FBLN5: variants seen among roughly 807,000 people sequenced by gnomAD.
FBLN5 encodes fibulin 5.
In FBLN5, 24 loss-of-function variants were observed where a neutral mutation model predicts 61.6. The observed-to-expected ratio is 0.39, with a 90% CI of 0.28 to 0.55. FBLN5 has a LOEUF of 0.55. FBLN5 is among the 20% of genes least tolerant of loss of function. The pLI, the probability that FBLN5 is intolerant of heterozygous loss-of-function variation, is 0.65. For synonymous variants in FBLN5, 213 were observed against 219.8 expected, an observed-to-expected ratio of 0.97 and a Z score of 0.27; for missense variants, 470 against 594.1, an observed-to-expected ratio of 0.79 and a Z score of 2.17.
chr14:91,898,211 CG>C (rs140311948), intron 4 of FBLN5, among the ~76,000 whole-genome samples: 35 of 150,372 alleles, frequency 2.3e-4, no homozygotes, highest in Non-Finnish European at 2.4e-4. Flanking sequence ...TTTTTTTTGG[CG>C]GGGGGGGCGG....
At chr14:91,881,570 C>A in intron 8 of FBLN5, 152 bp from the exon 9 acceptor site, 1 of 829,684 alleles carries the variant, frequency 1.2e-6, no homozygotes, top group Non-Finnish European at 2.0e-6. Context: ...TGGAATGTGG[C>A]TGATCCAAAT....
chr14:91,916,052 A>G (rs1443395339), intron 4 of FBLN5, among the ~76,000 whole-genome samples: 1 of 152,254 alleles, frequency 6.6e-6, no homozygotes, highest in Non-Finnish European at 1.5e-5. Context: ...ATACTATAAC[A>G]TGACCAAAGA....
chr14:91,938,792 C>T lies in FBLN5; in HGVS notation c.125-1591G>A, dbSNP rs141529346. 2.6e-5 allele frequency among the ~76,000 whole-genome samples: 4 copies of T among 152,312 alleles called. No individual in the cohort carries two copies. In the East Asian group the frequency reaches 7.7e-4, roughly 29 times the overall value. On this transcript the variant is annotated intron_variant, in intron 3 of 10. Transcript: ENST00000342058. ...CCACATGCCTGCACCCGACAACTCA[C>T]CCCCAGCATCTCATCTGAGAAACTC... is the stretch of plus-strand genomic sequence containing the variant.
At chr14:91,940,019 G>T (rs555305203) in intron 3 of FBLN5, 2 of 450,500 alleles carry the variant, frequency 4.4e-6, no homozygotes, top group Non-Finnish European at 4.4e-6. Context: ...TGAGGATGGA[G>T]GGAGGAGCCA....
chr14:91,888,627 C>CAT (rs987651934), intron 6 of FBLN5, among the ~76,000 whole-genome samples: 3,564 of 144,306 alleles, frequency 0.025, 53 homozygotes, highest in African/African-American at 0.035. Flanking sequence ...AAAAAAAATA[C>CAT]ATATATATAT....
intron 4 of FBLN5, among the ~76,000 whole-genome samples, chr14:91,898,796 CTTTTTTTTTTT>C (rs35840279): frequency 1.2e-5 from 1 of 84,242 alleles, no homozygotes; most frequent in Admixed American, 1.5e-4. Context: ...TTCATTCATT[CTTTTTTTTTTT>C]TTTTTTTTTT....
intron 4 of FBLN5, among the ~76,000 whole-genome samples, chr14:91,922,612 C>A (rs1016739146): frequency 6.6e-6 from 1 of 152,148 alleles, no homozygotes; most frequent in Non-Finnish European, 1.5e-5. Context: ...GAGATTGAGA[C>A]AATCCTGGAA....
intron 4 of FBLN5, among the ~76,000 whole-genome samples, chr14:91,928,937 A>T (rs1348209410): frequency 6.6e-6 from 1 of 152,018 alleles, no homozygotes. Flanking sequence ...AGGCGCCTGT[A>T]GTCCCAGCTA....
chr14:91,910,278 A>G (rs757564312), intron 4 of FBLN5, among the ~76,000 whole-genome samples: 1 of 152,242 alleles, frequency 6.6e-6, no homozygotes, highest in Non-Finnish European at 1.5e-5. Context: ...ACTCACAAAA[A>G]GACAAATACT....
At chr14:91,916,667 T>C (rs1891208735) in intron 4 of FBLN5, among the ~76,000 whole-genome samples, 1 of 152,166 alleles carries the variant, frequency 6.6e-6, no homozygotes, top group Non-Finnish European at 1.5e-5. Context: ...CCCAATGTCA[T>C]GGAAGGGTGT....
At chr14:91,887,127 C>T (rs1889760047) in intron 7 of FBLN5, 66 bp downstream of exon 7, 1 of 1,580,162 alleles carries the variant, frequency 6.3e-7, no homozygotes, top group African/African-American at 1.3e-5. Context: ...GAAGGAAGCC[C>T]TTGCCCTTCA....
intron 4 of FBLN5, among the ~76,000 whole-genome samples, chr14:91,925,876 C>T (rs2055819338): frequency 6.6e-6 from 1 of 152,230 alleles, no homozygotes; most frequent in South Asian, 2.1e-4. Flanking sequence ...GCTTAAGGAA[C>T]AAGGAGACTC....
intron 4 of FBLN5, among the ~76,000 whole-genome samples, chr14:91,924,762 G>C (rs187733854): frequency 6.6e-6 from 1 of 152,180 alleles, no homozygotes; most frequent in Non-Finnish European, 1.5e-5. Context: ...CAGCTATGGA[G>C]TGTGAGCTGG....
At position 91,940,625 on chromosome 14, in the gene FBLN5, A is replaced by AC. The variant is rs753734792; in HGVS notation, c.73-10_73-9insG. ...CCATTCGTGCACTGTGCCTGCAGGG[A>AC]AGGAGAGAGGAGAAACAGGCAAGGT... On this transcript the variant is annotated splice_polypyrimidine_tract_variant and intron_variant, in intron 2 of 10. Transcript: ENST00000342058. 3 of 1,613,640 alleles carry AC rather than the reference A, an allele frequency of 1.9e-6. No individual in the cohort carries two copies. The highest frequency in any genetic ancestry group is 1.7e-6 in the Non-Finnish European group (2 of 1,179,554).
chr14:91,936,767 A>C (rs1473105949), intron 4 of FBLN5, among the ~76,000 whole-genome samples, 180 bp downstream of exon 4: 1 of 152,230 alleles, frequency 6.6e-6, no homozygotes, highest in Non-Finnish European at 1.5e-5. Context: ...TAACCTCCCT[A>C]GTTGGGCAGG....
intron 6 of FBLN5, among the ~76,000 whole-genome samples, chr14:91,889,388 T>A (rs1595303589): frequency 1.3e-5 from 2 of 152,236 alleles, no homozygotes; most frequent in East Asian, 3.8e-4. Flanking sequence ...GGGTTCTCAC[T>A]GCCCTTTCCT....
chr14:91,895,851 A>G (rs1162895917), intron 4 of FBLN5, among the ~76,000 whole-genome samples: 3 of 149,726 alleles, frequency 2.0e-5, no homozygotes, highest in African/African-American at 7.4e-5. Flanking sequence ...CTGGCAGTCC[A>G]GTTGCTTAAT....
chr14:91,921,528 C>T (rs1017714806), intron 4 of FBLN5, among the ~76,000 whole-genome samples: 12 of 152,174 alleles, frequency 7.9e-5, no homozygotes, highest in Non-Finnish European at 1.3e-4. Flanking sequence ...GGGCCAGCAG[C>T]GTCAGCATCA....
At chr14:91,938,522 G>A (rs1248212906) in intron 3 of FBLN5, 3 of 152,438 alleles carry the variant, frequency 2.0e-5, no homozygotes, top group Non-Finnish European at 2.9e-5. Flanking sequence ...ACAGCTAGTT[G>A]CTTGTTAAGA....
Sources: gnomAD v4.1 joint callset for allele counts (sites outside exome capture counted in the v4.1 genomes callset) on GRCh38, gnomAD v4.1.1 for gene constraint, MANE v1.5 for transcripts, NCBI Gene and HGNC (gene_info 2026-07-23, HGNC 2026-07-21) for gene names.